PITPNC1: variants seen among roughly 807,000 people sequenced by gnomAD.
PITPNC1 encodes cytoplasmic phosphatidylinositol transfer protein 1.
A neutral mutation model predicts 44.7 loss-of-function variants in PITPNC1; 18 were observed. The ratio of observed to expected loss-of-function variants is 0.40; its 90% CI spans 0.28 to 0.60. The LOEUF (loss-of-function observed/expected upper bound fraction) is 0.60. Among genes scored for constraint, PITPNC1 ranks in the 20% least tolerant of loss-of-function variants. The pLI is 0.39. For synonymous variants in PITPNC1, 141 were observed against 149.6 expected (o/e 0.94, Z 0.42); for missense variants, 290 against 418.4 (o/e 0.69, Z 2.68).
At chr17:67,533,980 C>T (rs1456032760) in intron 2 of PITPNC1, among the ~76,000 whole-genome samples, 1 of 151,984 alleles carries the variant, frequency 6.6e-6, no homozygotes, top group Non-Finnish European at 1.5e-5. Context: ...CTGCAACCTC[C>T]GCCTCCTGGG....
chr17:67,433,103 C>T (rs542462403), intron 1 of PITPNC1, among the ~76,000 whole-genome samples: 1 of 152,134 alleles, frequency 6.6e-6, no homozygotes, highest in African/African-American at 2.4e-5. Flanking sequence ...CTGGATGAAT[C>T]GTGGGAGCAA....
chr17:67,426,034 A>G (rs2038760348), intron 1 of PITPNC1, among the ~76,000 whole-genome samples: 2 of 152,218 alleles, frequency 1.3e-5, no homozygotes, highest in African/African-American at 4.8e-5. Flanking sequence ...ATCACTTCAT[A>G]GACCATCATA....
At chr17:67,664,069 TCTC>T (rs1427461051) in intron 6 of PITPNC1, among the ~76,000 whole-genome samples, 2 of 152,148 alleles carry the variant, frequency 1.3e-5, no homozygotes, top group African/African-American at 4.8e-5. Context: ...TTCAAGCAGT[TCTC>T]CTTTCCCAGC....
At chr17:67,586,600 A>G (rs536495511) in intron 5 of PITPNC1, among the ~76,000 whole-genome samples, 1 of 150,282 alleles carries the variant, frequency 6.7e-6, no homozygotes, top group South Asian at 2.1e-4. Context: ...CATCTCAGGA[A>G]AAAAAAAAAT....
At chr17:67,380,078 C>CTTT (rs527469040) in intron 1 of PITPNC1, among the ~76,000 whole-genome samples, 1 of 139,650 alleles carries the variant, frequency 7.2e-6, no homozygotes, top group East Asian at 2.0e-4. Context: ...CTTTTCTTTT[C>CTTT]TTTTTTTTTT....
At chr17:67,512,567 C>T (rs1395425693) in intron 1 of PITPNC1, among the ~76,000 whole-genome samples, 1 of 150,272 alleles carries the variant, frequency 6.7e-6, no homozygotes, top group Non-Finnish European at 1.5e-5. Flanking sequence ...TAGGCTCTAT[C>T]CTGTGTTCTC....
intron 1 of PITPNC1, among the ~76,000 whole-genome samples, chr17:67,491,905 G>C (rs2017854): frequency 0.46 from 70,467 of 151,636 alleles, 16,480 homozygotes; most frequent in East Asian, 0.62. Context: ...ATTTTAGTAA[G>C]ATCAGAAATG....
chr17:67,415,455 C>A (rs1316187353), intron 1 of PITPNC1, among the ~76,000 whole-genome samples: 2 of 152,318 alleles, frequency 1.3e-5, no homozygotes, highest in East Asian at 3.9e-4. Flanking sequence ...GTCTAAGCCC[C>A]TTTGTGTGAC....
intron 1 of PITPNC1, among the ~76,000 whole-genome samples, chr17:67,456,339 A>G (rs2039254174): frequency 6.6e-6 from 1 of 152,222 alleles, no homozygotes; most frequent in Non-Finnish European, 1.5e-5. Context: ...AGCTAAATTA[A>G]GAAAAAAATC....
intron 1 of PITPNC1, among the ~76,000 whole-genome samples, chr17:67,438,919 C>T (rs2038974515): frequency 6.6e-6 from 1 of 152,168 alleles, no homozygotes; most frequent in Admixed American, 6.5e-5. Context: ...CCATCCGTTT[C>T]CCTTGGCCTG....
intron 1 of PITPNC1, among the ~76,000 whole-genome samples, chr17:67,425,806 G>C (rs2038756680): frequency 6.6e-6 from 1 of 152,140 alleles, no homozygotes; most frequent in South Asian, 2.1e-4. Context: ...TGGGATTACA[G>C]GTGCAAGCCA....
At chr17:67,626,228 C>G (rs756373553) in intron 5 of PITPNC1, among the ~76,000 whole-genome samples, 3 of 151,634 alleles carry the variant, frequency 2.0e-5, no homozygotes, top group Non-Finnish European at 4.4e-5. Flanking sequence ...TTAAGCCATC[C>G]TTGCACTTTG....
chr17:67,481,176 C>T (rs2065469371), intron 1 of PITPNC1, among the ~76,000 whole-genome samples: 1 of 152,234 alleles, frequency 6.6e-6, no homozygotes, highest in African/African-American at 2.4e-5. Flanking sequence ...CACTGCACCT[C>T]CAGCCTAGGC....
chr17:67,509,627 G>C (rs1181749753), intron 1 of PITPNC1, among the ~76,000 whole-genome samples: 1 of 151,950 alleles, frequency 6.6e-6, no homozygotes, highest in Non-Finnish European at 1.5e-5. Context: ...GTTTGACTTA[G>C]TTTTTCCTCA....
intron 1 of PITPNC1, among the ~76,000 whole-genome samples, chr17:67,474,119 G>A (rs1018315987): frequency 2.0e-5 from 3 of 152,170 alleles, no homozygotes; most frequent in Non-Finnish European, 2.9e-5. Context: ...GATGCTGGGG[G>A]AGGAATGGGC....
intron 1 of PITPNC1, among the ~76,000 whole-genome samples, chr17:67,381,955 T>A (rs2037967539): frequency 6.6e-6 from 1 of 152,196 alleles, no homozygotes; most frequent in South Asian, 2.1e-4. Context: ...TGTTATTATC[T>A]ATATTTTGCA....
chr17:67,545,026 T>C (rs2040658722), intron 2 of PITPNC1, among the ~76,000 whole-genome samples: 1 of 152,166 alleles, frequency 6.6e-6, no homozygotes, highest in Admixed American at 6.6e-5. Context: ...AAAATACTTA[T>C]TGAGGCCGGG....
intron 5 of PITPNC1, among the ~76,000 whole-genome samples, chr17:67,620,594 G>A (rs140998154): frequency 5.9e-5 from 9 of 152,194 alleles, no homozygotes; most frequent in African/African-American, 2.2e-4. Context: ...TGAAACCTTT[G>A]CCTTCAGTTT....
intron 5 of PITPNC1, among the ~76,000 whole-genome samples, chr17:67,621,202 T>TTTTATTTTATTTTA (rs1200717830): frequency 4.1e-4 from 61 of 149,454 alleles, no homozygotes; most frequent in Non-Finnish European, 7.7e-4. Context: ...TTTTATTTTA[T>TTTTATTTTATTTTA]TTTATTTTAT....
Sources: gnomAD v4.1 joint callset for allele counts (sites outside exome capture counted in the v4.1 genomes callset) on GRCh38, gnomAD v4.1.1 for gene constraint, MANE v1.5 for transcripts, NCBI Gene and HGNC (gene_info 2026-07-23, HGNC 2026-07-21) for gene names.